PIEZO2: variants seen among roughly 807,000 people sequenced by gnomAD.
PIEZO2 encodes piezo-type mechanosensitive ion channel component 2.
A neutral mutation model predicts 337.3 loss-of-function variants in PIEZO2; 172 were observed. The observed-to-expected ratio is 0.51, with a 90% confidence interval of 0.45 to 0.58. The LOEUF (loss-of-function observed/expected upper bound fraction) is 0.58. Ranked by LOEUF, PIEZO2 falls within the 20% of genes least tolerant of loss-of-function variation. The pLI is 0.00. For missense variants in PIEZO2, 3,028 were observed against 3,391.3 expected (o/e 0.89, Z 2.66); for synonymous variants, 1,251 against 1,228.5 (o/e 1.02, Z -0.38).
intron 4 of PIEZO2, among the ~76,000 whole-genome samples, chr18:10,884,912 G>C (rs564312896): frequency 2.0e-5 from 3 of 151,918 alleles, no homozygotes; most frequent in African/African-American, 7.2e-5. Flanking sequence ...TGGACTTAAA[G>C]ACCACAAACT....
rs1056175375 is a variant in PIEZO2, at chr18:10,744,363, G to C, written c.4425-132C>G. 27 of 629,790 alleles carry C rather than the reference G, an allele frequency of 4.3e-5. No homozygotes were observed. The South Asian group carries it at 4.7e-4, about 11-fold the overall frequency. 39.0% of individuals were successfully genotyped at this position (629,790 alleles called of 1,614,324 possible). A position where few individuals can be genotyped will look rare whatever the true frequency, so the allele number is the denominator to read the frequency against. On this transcript the variant is annotated intron_variant, in intron 30 of 55. Coordinates refer to ENST00000674853, the MANE Select transcript of PIEZO2 (RefSeq NM_001378183.1). The stretch of plus-strand genomic sequence containing the variant: ...CAGCTGCTTGTAGTTTCCTGGCTGG[G>C]AGCAGGAGTCAACAAGGCCCCTTCT...
intron 1 of PIEZO2, among the ~76,000 whole-genome samples, chr18:11,085,076 G>A (rs1474787916): frequency 3.3e-5 from 5 of 152,256 alleles, no homozygotes; most frequent in Admixed American, 6.5e-5. Flanking sequence ...TATTTGTTTC[G>A]TTTTCACAAA....
chr18:10,936,868 TC>T (rs1354146501), intron 3 of PIEZO2, among the ~76,000 whole-genome samples: 1 of 152,222 alleles, frequency 6.6e-6, no homozygotes. Context: ...CTGGCAGGAA[TC>T]CTGCAGTGAA....
intron 21 of PIEZO2, 187 bp downstream of exon 21, chr18:10,769,961 G>A (rs529797231): frequency 5.8e-5 from 32 of 549,566 alleles, no homozygotes; most frequent in Non-Finnish European, 8.0e-5. Context: ...ACTCAGCCAC[G>A]AGCCTCTTTC....
intron 2 of PIEZO2, among the ~76,000 whole-genome samples, chr18:10,994,400 C>CT (rs71169965): frequency 3.0e-3 from 430 of 143,302 alleles, no homozygotes; most frequent in Middle Eastern, 7.4e-3. Context: ...TTTGTTCTTT[C>CT]TTTTTTTTTT....
chr18:10,922,920 T>C (rs993388044), intron 3 of PIEZO2, among the ~76,000 whole-genome samples: 1 of 152,212 alleles, frequency 6.6e-6, no homozygotes, highest in Non-Finnish European at 1.5e-5. Flanking sequence ...TTCTTCATTA[T>C]GAAGAATAGA....
rs574929567 is a variant in PIEZO2, at chr18:10,767,225, C to A, written c.2946+2923G>T. 3.9e-5 allele frequency among the ~76,000 whole-genome samples: 6 copies of A among 152,294 alleles called. No homozygotes were observed. In the South Asian group the frequency reaches 8.3e-4, roughly 21 times the overall value. On this transcript the variant is annotated intron_variant, in intron 21 of 55. Coordinates refer to ENST00000674853, the MANE Select transcript of PIEZO2 (RefSeq NM_001378183.1). This position sits in a 1 kb window ranked among gnomAD's most constrained non-coding sequence, Gnocchi z 4.2. ...TATTTAAATCTAGATTATTCCAAAG[C>A]AGTGTCACTCCTGAATAAGATGCTG...
intron 36 of PIEZO2, among the ~76,000 whole-genome samples, chr18:10,725,718 G>A (rs930743367): frequency 5.3e-5 from 8 of 152,014 alleles, no homozygotes; most frequent in African/African-American, 1.2e-4. Context: ...CTTCCTCTCC[G>A]ACTTCTCTCC....
chr18:11,010,585 C>T (rs2035863643), intron 2 of PIEZO2, among the ~76,000 whole-genome samples: 1 of 152,130 alleles, frequency 6.6e-6, no homozygotes, highest in South Asian at 2.1e-4. Flanking sequence ...GGTTAAGCTC[C>T]TTATTTATTC....
intron 8 of PIEZO2, 71 bp downstream of exon 8, chr18:10,807,041 G>T: frequency 7.1e-7 from 1 of 1,405,752 alleles, no homozygotes; most frequent in Non-Finnish European, 9.6e-7. Flanking sequence ...TAGAGAACAG[G>T]AGTGAATCAT....
intron 2 of PIEZO2, among the ~76,000 whole-genome samples, chr18:11,020,485 C>T (rs72870664): frequency 0.12 from 18,625 of 152,110 alleles, 1,419 homozygotes; most frequent in Middle Eastern, 0.2. Context: ...TAGTTGTTTT[C>T]CTGTCAATAC....
chr18:10,861,177 G>T lies in PIEZO2; in HGVS notation c.493-3966C>A, dbSNP rs2041862857. On this transcript the variant is annotated intron_variant, in intron 5 of 55. Coordinates refer to ENST00000674853, the MANE Select transcript of PIEZO2 (RefSeq NM_001378183.1). This position sits in a 1 kb window ranked among gnomAD's most constrained non-coding sequence, Gnocchi z 4.3. ...TACTAACAGGCAGTCTTGCTTGCTG[G>T]AGCTGTAAGCTGTCCCTGCAGCGGA... 6.6e-6 allele frequency among the ~76,000 whole-genome samples: 1 copy of T among 152,202 alleles called. No homozygotes were observed. The highest frequency in any genetic ancestry group is 6.5e-5 in the Admixed American group (1 of 15,276).
chr18:10,691,790 T>TATATATATATATATATATAC (rs2034856183), intron 47 of PIEZO2, among the ~76,000 whole-genome samples: 1 of 64,792 alleles, frequency 1.5e-5, no homozygotes. Flanking sequence ...CACATATATA[T>TATATATATATATATATATAC]ATATATATAT....
chr18:11,018,586 C>T (rs772360281), intron 2 of PIEZO2, among the ~76,000 whole-genome samples: 2 of 152,076 alleles, frequency 1.3e-5, no homozygotes, highest in East Asian at 1.9e-4. Flanking sequence ...AGCCACTGAA[C>T]GGTGGGTGAC....
intron 12 of PIEZO2, 32 bp downstream of exon 12, chr18:10,797,342 T>G (rs1194467124): frequency 7.0e-7 from 1 of 1,425,250 alleles, no homozygotes; most frequent in East Asian, 2.5e-5. Flanking sequence ...ATTATACATA[T>G]CATATTATAC....
chr18:11,016,926 G>C lies in PIEZO2; in HGVS notation c.161-37266C>G, dbSNP rs1982726. Among the ~76,000 whole-genome samples the C allele has an allele frequency of 0.5, 76,121 of 151,974 alleles. 19,265 individuals are homozygous for C. The highest frequency in any genetic ancestry group is 0.55 in the Admixed American group (8,463 of 15,278). ...GGTCCTGCTGATGTTTAAACATGGA[G>C]TTGGGAGAGACACTGACAAGCTGAG... On this transcript the variant is annotated intron_variant, in intron 2 of 55. Transcript: ENST00000674853. This position sits in a 1 kb window ranked among gnomAD's most constrained non-coding sequence, Gnocchi z 5.6.
chr18:10,768,044 A>G (rs1568036154), intron 21 of PIEZO2, among the ~76,000 whole-genome samples: 2 of 152,314 alleles, frequency 1.3e-5, no homozygotes, highest in East Asian at 3.9e-4. Context: ...CAAAAGAAGG[A>G]ATAAAGAGCC....
chr18:10,901,631 A>G (rs1311187777), intron 4 of PIEZO2, among the ~76,000 whole-genome samples: 4 of 152,186 alleles, frequency 2.6e-5, no homozygotes, highest in Admixed American at 6.5e-5. Flanking sequence ...TTCTATGTCC[A>G]TAAACTAGTG....
At chr18:10,692,975 T>C (rs1412577894) in intron 47 of PIEZO2, among the ~76,000 whole-genome samples, 1 of 152,174 alleles carries the variant, frequency 6.6e-6, no homozygotes, top group Admixed American at 6.5e-5. Flanking sequence ...CTCCCCCAAA[T>C]TCATGAGAAA....
Sources: allele counts gnomAD v4.1 joint callset (sites outside exome capture counted in the v4.1 genomes callset), GRCh38; gene constraint gnomAD v4.1.1; non-coding constraint Gnocchi (gnomAD v3.1); transcripts MANE v1.5; gene names NCBI Gene and HGNC (gene_info 2026-07-23, HGNC 2026-07-21).